The following NBDY variants were observed in gnomAD, a reference collection of about 807,000 sequenced individuals.
The protein encoded by NBDY is P-body dissociating protein.
rs769270031 is a variant in NBDY at position 56,790,552 on chromosome X, AC to A, written c.*167-26766del. Reference sequence around the variant, plus strand: ...AAGTAGGTAGCATGCACCACGGGGCACCTCCGGCCCTGCCTAGGTACAATGG... The same window carrying A: ...AAGTAGGTAGCATGCACCACGGGGCACTCCGGCCCTGCCTAGGTACAATGG... On this transcript the variant is annotated intron_variant, in intron 2 of 2. Transcript: ENST00000374922. Among the ~76,000 whole-genome samples the A allele has an allele frequency of 2.5e-4, 28 of 112,348 alleles. No homozygotes were observed. The Middle Eastern group carries it at 0.018, about 74-fold the overall frequency.
Position 56,729,304 on chromosome X carries a change from C to A in NBDY, c.-50C>A, listed in dbSNP as rs1036112247. ...CTCGCCGCCATCTCAGGTCTCTTGG[C>A]TTTGCCAGGGCCCACCGGAGAAAAC... On this transcript the variant is annotated 5_prime_UTR_variant, in exon 1 of 3. Coordinates refer to ENST00000374922, the MANE Select transcript of NBDY (RefSeq NM_001348129.2). 6.7e-6 allele frequency: 2 copies of A among 296,856 alleles called. No individual in the cohort carries two copies. The highest frequency in any genetic ancestry group is 1.2e-5 in the Non-Finnish European group (2 of 169,974). 24.5% of individuals were successfully genotyped at this position (296,856 alleles called of 1,213,427 possible).
chrX:56,766,035 C>G (rs28523997), intron 2 of NBDY, among the ~76,000 whole-genome samples: 7,099 of 111,378 alleles, frequency 0.064, 544 homozygotes, highest in African/African-American at 0.22. Flanking sequence ...TCCCTCTGGT[C>G]CACCAAAAGG....
At chrX:56,747,963 G>A (rs2069565494) in intron 2 of NBDY, among the ~76,000 whole-genome samples, 1 of 111,307 alleles carries the variant, frequency 9.0e-6, no homozygotes, top group East Asian at 2.8e-4. Context: ...GTGTAGGCAA[G>A]CCTGAAATCT....
At chrX:56,783,835 A>C (rs2069711492) in intron 2 of NBDY, among the ~76,000 whole-genome samples, 1 of 112,468 alleles carries the variant, frequency 8.9e-6, no homozygotes, top group Non-Finnish European at 1.9e-5. Context: ...ACAAAAACAC[A>C]CACACAAAGC....
At chrX:56,809,450 G>A (rs1435098611) in intron 2 of NBDY, among the ~76,000 whole-genome samples, 1 of 112,101 alleles carries the variant, frequency 8.9e-6, no homozygotes, top group East Asian at 2.8e-4. Context: ...TGTATTGAGT[G>A]CATATATATT....
intron 2 of NBDY, among the ~76,000 whole-genome samples, chrX:56,792,596 GAC>G (rs1163168258): frequency 2.7e-5 from 3 of 110,011 alleles, no homozygotes; most frequent in African/African-American, 6.6e-5. Flanking sequence ...CGCCCAAGCA[GAC>G]ACACACACAC....
chrX:56,803,764 C>T (rs2069835630), intron 2 of NBDY, among the ~76,000 whole-genome samples: 1 of 111,982 alleles, frequency 8.9e-6, no homozygotes, highest in Non-Finnish European at 1.9e-5. Context: ...ATGGCAGTCA[C>T]TTATTTCCCT....
At chrX:56,787,200 G>A (rs755980476) in intron 2 of NBDY, among the ~76,000 whole-genome samples, 59 of 110,520 alleles carry the variant, frequency 5.3e-4, no homozygotes, top group African/African-American at 1.9e-3. Context: ...CACAATGCAC[G>A]CACTCACAAG....
intron 2 of NBDY, among the ~76,000 whole-genome samples, chrX:56,739,299 TAG>T (rs143262854): frequency 0.082 from 6,081 of 73,836 alleles, 517 homozygotes; most frequent in African/African-American, 0.24. Context: ...TATATATATA[TAG>T]AGAGAGAGAG....
chrX:56,805,743 G>A (rs915576157), intron 2 of NBDY, among the ~76,000 whole-genome samples: 1 of 111,722 alleles, frequency 9.0e-6, no homozygotes, highest in African/African-American at 3.3e-5. Context: ...TGTCTACTTG[G>A]TACACTCTGC....
At chrX:56,796,784 G>A (rs2069793994) in intron 2 of NBDY, among the ~76,000 whole-genome samples, 1 of 110,804 alleles carries the variant, frequency 9.0e-6, no homozygotes, top group Admixed American at 9.5e-5. Flanking sequence ...GTCTTCTGTA[G>A]CTCCTGCAGG....
chrX:56,806,286 G>A (rs2069849705), intron 2 of NBDY, among the ~76,000 whole-genome samples: 1 of 111,963 alleles, frequency 8.9e-6, no homozygotes, highest in Non-Finnish European at 1.9e-5. Context: ...ACATATGTGT[G>A]CATGTCTCTT....
chrX:56,733,998 G>A (rs1268580726), intron 2 of NBDY, among the ~76,000 whole-genome samples: 1 of 112,248 alleles, frequency 8.9e-6, no homozygotes, highest in African/African-American at 3.2e-5. Flanking sequence ...CTTTTCATAA[G>A]TTAAAGTTAT....
intron 2 of NBDY, among the ~76,000 whole-genome samples, chrX:56,790,993 C>T (rs761882221): frequency 1.9e-4 from 21 of 112,489 alleles, no homozygotes; most frequent in Admixed American, 1.3e-3. Flanking sequence ...TCTTAAGGGG[C>T]TGACGCTTTC....
At chrX:56,808,372 G>T (rs2069865776) in intron 2 of NBDY, among the ~76,000 whole-genome samples, 2 of 111,766 alleles carry the variant, frequency 1.8e-5, no homozygotes, top group African/African-American at 6.5e-5. Flanking sequence ...ATTCGTCTGT[G>T]AATCCGTCTG....
intron 1 of NBDY, among the ~76,000 whole-genome samples, chrX:56,731,402 T>TAAAAAAA (rs56304858): frequency 1.4e-5 from 1 of 71,273 alleles, no homozygotes; most frequent in Non-Finnish European, 2.5e-5. Context: ...CTACTAAAAG[T>TAAAAAAA]AAAAAAAAAA....
chrX:56,806,552 G>A (rs1447705408), intron 2 of NBDY, among the ~76,000 whole-genome samples: 1 of 111,997 alleles, frequency 8.9e-6, no homozygotes, highest in Non-Finnish European at 1.9e-5. Context: ...GTTTTGATTT[G>A]CATTTCTCTA....
chrX:56,738,026 G>A (rs1039467710), intron 2 of NBDY, among the ~76,000 whole-genome samples: 1 of 111,558 alleles, frequency 9.0e-6, no homozygotes, highest in African/African-American at 3.3e-5. Context: ...CAAGAAATTT[G>A]ACATTGTTTC....
rs1298754013 is a variant in NBDY, at chrX:56,782,149, G to A, written c.*167-35171G>A. ...ATTGTGTATGTCACCACACACTGAG[G>A]TCTTCCTTAACTAGATCCTTCAGGA... is the stretch of plus-strand genomic sequence containing the variant. On this transcript the variant is annotated intron_variant, in intron 2 of 2. Transcript: ENST00000374922. Among the ~76,000 whole-genome samples, 4 of 111,488 alleles carry A rather than the reference G, an allele frequency of 3.6e-5. No homozygotes were observed. In the Admixed American group the frequency reaches 3.8e-4, roughly 11 times the overall value.
Sources: allele counts gnomAD v4.1 joint callset (sites outside exome capture counted in the v4.1 genomes callset), GRCh38; gene constraint gnomAD v4.1.1; transcripts MANE v1.5; gene names NCBI Gene and HGNC (gene_info 2026-07-23, HGNC 2026-07-21).